The following CNTN3 variants were observed in gnomAD, a reference collection of about 807,000 sequenced individuals.
The protein encoded by CNTN3 is contactin-3.
A neutral mutation model predicts 119.1 loss-of-function variants in CNTN3; 60 were observed. The ratio of observed to expected loss-of-function variants is 0.50; its 90% CI spans 0.41 to 0.62. The LOEUF (loss-of-function observed/expected upper bound fraction) is 0.62, where lower values mean the gene tolerates loss of function less well. Among genes scored for constraint, CNTN3 ranks in the 20% least tolerant of loss-of-function variants. The probability of loss-of-function intolerance (pLI) is 0.00; values close to 1 mark genes in which losing one functional copy is unlikely to be tolerated. For synonymous variants in CNTN3, 450 were observed against 438.7 expected, an observed-to-expected ratio of 1.03 and a Z score of -0.32; for missense variants, 1,101 against 1,242.4, an observed-to-expected ratio of 0.89 and a Z score of 1.71.
intron 4 of CNTN3, among the ~76,000 whole-genome samples, chr3:74,465,352 C>T (rs1702442385): frequency 1.3e-5 from 2 of 152,140 alleles, no homozygotes. Flanking sequence ...GTTACTATTA[C>T]ACTCACGACT....
At chr3:74,439,918 T>C (rs77049819) in intron 4 of CNTN3, among the ~76,000 whole-genome samples, 1 of 152,176 alleles carries the variant, frequency 6.6e-6, no homozygotes, top group South Asian at 2.1e-4. Context: ...GGCCAACTGG[T>C]TCCTTAACCA....
intron 20 of CNTN3, 101 bp from the exon 21 acceptor site, chr3:74,267,479 C>T (rs1257425510): frequency 7.9e-5 from 61 of 773,022 alleles, no homozygotes; most frequent in South Asian, 5.1e-4. Flanking sequence ...GGAAGTAGAA[C>T]GGGATGCCTT....
intron 5 of CNTN3, among the ~76,000 whole-genome samples, chr3:74,387,243 A>G (rs915492506): frequency 6.6e-6 from 1 of 152,198 alleles, no homozygotes; most frequent in Non-Finnish European, 1.5e-5. Flanking sequence ...ATATATTAAA[A>G]ACAGATGGGG....
intron 11 of CNTN3, among the ~76,000 whole-genome samples, chr3:74,346,868 A>G (rs77654779): frequency 0.018 from 2,743 of 152,174 alleles, 79 homozygotes; most frequent in African/African-American, 0.063. Context: ...AGCACACTCC[A>G]TATTTTTTAA....
chr3:74,482,803 G>C (rs997807175), intron 4 of CNTN3, among the ~76,000 whole-genome samples: 1 of 152,138 alleles, frequency 6.6e-6, no homozygotes, highest in Non-Finnish European at 1.5e-5. Context: ...CTGAAGTCAT[G>C]AGCATCCTAC....
chr3:74,351,433 G>A (rs917634414), intron 11 of CNTN3, among the ~76,000 whole-genome samples: 8 of 152,306 alleles, frequency 5.3e-5, no homozygotes, highest in African/African-American at 1.9e-4. Context: ...TCATTTTCCA[G>A]TAAGGAAGCC....
chr3:74,562,235 C>T (rs75815851), intron 1 of CNTN3, among the ~76,000 whole-genome samples: 5,639 of 152,264 alleles, frequency 0.037, 140 homozygotes, highest in South Asian at 0.069. Context: ...ATATGACTAG[C>T]TGTGAAAATA....
intron 13 of CNTN3, among the ~76,000 whole-genome samples, chr3:74,312,353 G>A (rs530730982): frequency 6.6e-6 from 1 of 151,016 alleles, no homozygotes; most frequent in Non-Finnish European, 1.5e-5. Flanking sequence ...CTACTCGGGA[G>A]GCTGAGGCAG....
intron 1 of CNTN3, among the ~76,000 whole-genome samples, chr3:74,603,683 G>A (rs1350018043): frequency 6.6e-6 from 1 of 151,910 alleles, no homozygotes; most frequent in Non-Finnish European, 1.5e-5. Flanking sequence ...CAAATAAATG[G>A]AAAGATATCC....
intron 1 of CNTN3, among the ~76,000 whole-genome samples, chr3:74,565,289 T>C (rs1704210030): frequency 6.6e-6 from 1 of 152,140 alleles, no homozygotes; most frequent in Non-Finnish European, 1.5e-5. Context: ...TTCCTTGTCT[T>C]TTCCAGGTTA....
At chr3:74,479,397 T>A (rs1488328048) in intron 4 of CNTN3, among the ~76,000 whole-genome samples, 1 of 152,072 alleles carries the variant, frequency 6.6e-6, no homozygotes, top group African/African-American at 2.4e-5. Flanking sequence ...TACAGGCCTC[T>A]CTATACAAGA....
chr3:74,442,736 A>C (rs1276287402), intron 4 of CNTN3, among the ~76,000 whole-genome samples: 1 of 152,168 alleles, frequency 6.6e-6, no homozygotes, highest in African/African-American at 2.4e-5. Context: ...ATTTAATTGG[A>C]TCTTACTAAG....
intron 11 of CNTN3, among the ~76,000 whole-genome samples, chr3:74,353,563 C>G (rs559161647): frequency 1.0e-3 from 155 of 152,074 alleles, no homozygotes; most frequent in Non-Finnish European, 1.9e-3. Flanking sequence ...GAGACCATCC[C>G]GGCTAACACG....
At chr3:74,381,088 A>T (rs1361079203) in intron 5 of CNTN3, among the ~76,000 whole-genome samples, 82 of 148,676 alleles carry the variant, frequency 5.5e-4, no homozygotes, top group East Asian at 1.4e-3. Flanking sequence ...TCTCTCTCTC[A>T]CACACACACA....
intron 1 of CNTN3, among the ~76,000 whole-genome samples, chr3:74,569,557 G>C (rs1704278041): frequency 1.3e-5 from 2 of 152,194 alleles, no homozygotes; most frequent in Non-Finnish European, 2.9e-5. Context: ...AAAATGAAGA[G>C]AGATACACTG....
At chr3:74,503,346 T>C (rs1559636226) in intron 2 of CNTN3, among the ~76,000 whole-genome samples, 1 of 152,094 alleles carries the variant, frequency 6.6e-6, no homozygotes, top group Non-Finnish European at 1.5e-5. Context: ...AATTTAAGGC[T>C]CCTAAAGGCT....
chr3:74,440,416 T>C (rs1701942991), intron 4 of CNTN3, among the ~76,000 whole-genome samples: 1 of 151,680 alleles, frequency 6.6e-6, no homozygotes, highest in Non-Finnish European at 1.5e-5. Context: ...CTACCTTGCA[T>C]AGTTGATTTC....
intron 1 of CNTN3, among the ~76,000 whole-genome samples, chr3:74,582,521 T>TA (rs1704529026): frequency 6.6e-6 from 1 of 152,022 alleles, no homozygotes; most frequent in Admixed American, 6.6e-5. Flanking sequence ...AAAAGCCCCA[T>TA]AAAAATAGGC....
intron 20 of CNTN3, among the ~76,000 whole-genome samples, chr3:74,273,061 T>G (rs536427755): frequency 1.3e-5 from 2 of 152,156 alleles, no homozygotes; most frequent in Non-Finnish European, 2.9e-5. Context: ...GGATCACATA[T>G]GAAATTTGGA....
Sources: allele counts gnomAD v4.1 joint callset (sites outside exome capture counted in the v4.1 genomes callset), GRCh38; gene constraint gnomAD v4.1.1; transcripts MANE v1.5; gene names NCBI Gene and HGNC (gene_info 2026-07-23, HGNC 2026-07-21).